The following GORASP1 variants were observed in gnomAD, a reference collection of about 807,000 sequenced individuals.
GORASP1 encodes the protein Golgi reassembly-stacking protein 1.
GORASP1 carries 31 observed loss-of-function variants against 37.7 expected under a neutral mutation model. The ratio of observed to expected loss-of-function variants is 0.82; its 90% CI spans 0.62 to 1.11. GORASP1 has a LOEUF of 1.11. Ranked by LOEUF, GORASP1 falls within the 50% of genes least tolerant of loss-of-function variation. The pLI, the probability that GORASP1 is intolerant of heterozygous loss-of-function variation, is 0.00. For missense variants in GORASP1, 476 were observed against 560.7 expected (o/e 0.85, Z 1.53); for synonymous variants, 204 against 224.8 (o/e 0.91, Z 0.83).
In GORASP1 at chr3:39,102,950, GC is replaced by G; in HGVS notation, c.145-70del. 2.8e-6 allele frequency: 4 copies of G among 1,452,416 alleles called. No individual in the cohort carries two copies. The allele number at this position is 1,452,416 out of a possible 1,614,324, so 90.0% of individuals were successfully genotyped here. A position where few individuals can be genotyped will look rare whatever the true frequency, so the allele number is the denominator to read the frequency against. Reference sequence around the variant, plus strand: ...GGCTAGGACCCTCAGACAAGTCTGGGCCTGAGATGGGGCAAGGGCCTTAGTG... The same window carrying G: ...GGCTAGGACCCTCAGACAAGTCTGGGCTGAGATGGGGCAAGGGCCTTAGTG... On this transcript the variant is annotated intron_variant, in intron 2 of 8. Transcript: ENST00000319283. This position sits in a 1 kb window ranked among gnomAD's most constrained non-coding sequence, Gnocchi z 5.0.
Position 39,096,674 on chromosome 3 carries a change from G to A in GORASP1, c.*1562C>T, listed in dbSNP as rs939927381. ...GGCTTTAGTTAAAATATTTCAAAGTGTAGTACACATTTATTTTCATTTGTT... is the reference window on the plus strand; with the variant it reads ...GGCTTTAGTTAAAATATTTCAAAGTATAGTACACATTTATTTTCATTTGTT... On this transcript the variant is annotated 3_prime_UTR_variant, in exon 9 of 9. Coordinates refer to ENST00000319283, the MANE Select transcript of GORASP1 (RefSeq NM_031899.4). The A allele has an allele frequency of 2.0e-5, 3 of 152,182 alleles. No homozygotes were observed. Among genetic ancestry groups the A allele is most frequent in the Non-Finnish European group, 2.9e-5 (2 of 68,046 alleles). The allele number at this position is 152,182 out of a possible 1,614,324, so 9.4% of individuals were successfully genotyped here.
At position 39,099,401 on chromosome 3, in the gene GORASP1, C is replaced by T. The variant is rs759244422; in HGVS notation, c.868G>A (p.Glu290Lys). The T allele has an allele frequency of 1.2e-5, 19 of 1,613,328 alleles. No individual in the cohort carries two copies. The highest frequency in any genetic ancestry group is 1.6e-5 in the Non-Finnish European group (19 of 1,179,756). The change falls in exon 7 of 9, where the codon GAG (glutamate) becomes AAG (lysine). Residue 290 changes from glutamate (E) to lysine (K), a missense_variant. Physicochemically the swap from Glu to Lys is moderately conservative, Grantham distance 56. Coordinates refer to ENST00000319283, the MANE Select transcript of GORASP1 (RefSeq NM_031899.4). ...GGAGGTGGGGGCTGAAGAGGAGTCT[C>T]CATGAAATGGGGAAGTCCATCAGGG... ...PDPDGLPHFM[E>K]TPLQPPPPVQ...
chr3:39,100,601 G>C lies in GORASP1; in HGVS notation c.567-98C>G. 6.8e-7 allele frequency: 1 copy of C among 1,475,514 alleles called. No individual in the cohort carries two copies. The highest frequency in any genetic ancestry group is 9.1e-7 in the Non-Finnish European group (1 of 1,094,324). The allele number at this position is 1,475,514 out of a possible 1,614,324, so 91.4% of individuals were successfully genotyped here. On this transcript the variant is annotated intron_variant, in intron 5 of 8. Coordinates refer to ENST00000319283, the MANE Select transcript of GORASP1 (RefSeq NM_031899.4). The surrounding 1 kb of genome is among the most constrained non-coding windows in gnomAD (Gnocchi z 4.6). ...CTACCAGCAATAAGGGGGCTGAAAA[G>C]GGTACTTCTGAAATACCGGTCAGCC...
chr3:39,100,314 G>C lies in GORASP1; in HGVS notation c.756C>G (p.Asp252Glu). 1.2e-6 allele frequency: 2 copies of C among 1,614,020 alleles called. No homozygotes were observed. The highest frequency in any genetic ancestry group is 2.2e-5 in the South Asian group (2 of 91,090). ...GATTCTCCCCACATACCTCCATGTA[G>C]TCACTCTGCCTGGAACCTGTCTCCA... is the stretch of plus-strand genomic sequence containing the variant. ...PSLETGSRQS[D>E]YMEALLQAPG... The change falls in exon 6 of 9, where the codon GAC becomes GAG. Residue 252 changes from aspartate to glutamate, a missense_variant. Transcript: ENST00000319283. The surrounding 1 kb of genome is among the most constrained non-coding windows in gnomAD (Gnocchi z 4.6).
chr3:39,103,608 GC>G lies in GORASP1; in HGVS notation c.64-56del. 2 of 1,382,318 alleles carry G rather than the reference GC, an allele frequency of 1.4e-6. No homozygotes were observed. The highest frequency in any genetic ancestry group is 2.0e-6 in the Non-Finnish European group (2 of 993,304). The allele number at this position is 1,382,318 out of a possible 1,614,324, so 85.6% of individuals were successfully genotyped here. On this transcript the variant is annotated intron_variant, in intron 1 of 8. Coordinates refer to ENST00000319283, the MANE Select transcript of GORASP1 (RefSeq NM_031899.4). The surrounding 1 kb of genome is among the most constrained non-coding windows in gnomAD (Gnocchi z 5.2). ...CGCCAACCCTGGGACTCTCCAAGTA[GC>G]CCTCTCCCCCATTTCAGGAACCATC...
intron 1 of GORASP1, among the ~76,000 whole-genome samples, chr3:39,106,212 G>A (rs1395019601): frequency 6.6e-6 from 1 of 151,992 alleles, no homozygotes; most frequent in East Asian, 1.9e-4. Flanking sequence ...TTAGAATTCT[G>A]CCTGCCAGAG....
Position 39,105,349 on chromosome 3 carries a change from A to G in GORASP1, c.64-1796T>C, listed in dbSNP as rs969366996. Among the ~76,000 whole-genome samples the G allele has an allele frequency of 5.9e-5, 9 of 152,062 alleles. No homozygotes were observed. The East Asian group carries it at 1.5e-3, about 26-fold the overall frequency. On this transcript the variant is annotated intron_variant, in intron 1 of 8. Coordinates refer to ENST00000319283, the MANE Select transcript of GORASP1 (RefSeq NM_031899.4). This position sits in a 1 kb window ranked among gnomAD's most constrained non-coding sequence, Gnocchi z 5.4. ...TCATGCTCCCACCCTATTTTTCCCA[A>G]TCAGGGAACCTAATGGAACTCACAG...
Position 39,099,396 on chromosome 3 carries a change from A to G in GORASP1, c.873T>C (p.Thr291=), listed in dbSNP as rs1221848053. ...DPDGLPHFME[T]PLQPPPPVQR... is the part of the protein sequence containing the mutation. Reference sequence around the variant, plus strand: ...GCACTGGAGGTGGGGGCTGAAGAGGAGTCTCCATGAAATGGGGAAGTCCAT... The same window carrying G: ...GCACTGGAGGTGGGGGCTGAAGAGGGGTCTCCATGAAATGGGGAAGTCCAT... Residue 291 remains threonine (T), a synonymous_variant, in exon 7 of 9, where the codon ACT becomes ACC. Coordinates refer to ENST00000319283, the MANE Select transcript of GORASP1 (RefSeq NM_031899.4). The G allele has an allele frequency of 3.1e-6, 5 of 1,613,388 alleles. No homozygotes were observed. Among genetic ancestry groups the G allele is most frequent in the Non-Finnish European group, 2.5e-6 (3 of 1,179,788 alleles).
At position 39,102,693 on chromosome 3, in the gene GORASP1, C is replaced by T. The variant is rs2035799114; in HGVS notation, c.333G>A (p.Gln111=). 6.2e-7 allele frequency: 1 copy of T among 1,614,006 alleles called. No individual in the cohort carries two copies. Among genetic ancestry groups the T allele is most frequent in the Admixed American group, 1.7e-5 (1 of 59,994 alleles). The change falls in exon 3 of 9, where the codon CAG becomes CAA. Residue 111 remains glutamine, a synonymous_variant. Coordinates refer to ENST00000319283, the MANE Select transcript of GORASP1 (RefSeq NM_031899.4). The surrounding 1 kb of genome is among the most constrained non-coding windows in gnomAD (Gnocchi z 5.0). ...RFCSFRRASE[Q]VWHVLDVEPS... ...CCACACTCACCAGCACATGCCACAC[C>T]TGCTCACTGGCCCTGCGGAAGCTGC...
Position 39,103,138 on chromosome 3 carries a change from C to T in GORASP1, c.145-257G>A. On this transcript the variant is annotated intron_variant, in intron 2 of 8. Coordinates refer to ENST00000319283, the MANE Select transcript of GORASP1 (RefSeq NM_031899.4). This position sits in a 1 kb window ranked among gnomAD's most constrained non-coding sequence, Gnocchi z 5.2. ...AGAAAAAACAAAGCAAGCAAAAAGC[C>T]TCCCAGATCCACAGCATTCCAGTGC... 1.7e-6 allele frequency: 1 copy of T among 599,622 alleles called. No homozygotes were observed. The highest frequency in any genetic ancestry group is 3.0e-6 in the Non-Finnish European group (1 of 337,230). 37.1% of individuals were successfully genotyped at this position (599,622 alleles called of 1,614,324 possible). A position where few individuals can be genotyped will look rare whatever the true frequency, so the allele number is the denominator to read the frequency against.
At position 39,098,558 on chromosome 3, in the gene GORASP1, C is replaced by G. The variant is rs1471841815; in HGVS notation, c.1070-69G>C. 5 of 1,544,822 alleles carry G rather than the reference C, an allele frequency of 3.2e-6. No individual in the cohort carries two copies. Among genetic ancestry groups the G allele is most frequent in the Non-Finnish European group, 4.4e-6 (5 of 1,143,300 alleles). On this transcript the variant is annotated intron_variant, in intron 8 of 8. Transcript: ENST00000319283. This position sits in a 1 kb window ranked among gnomAD's most constrained non-coding sequence, Gnocchi z 4.7. The stretch of plus-strand genomic sequence containing the variant: ...GGGCCATGGTGTTAGGGCCAGTAAC[C>G]CCACCGACCGCTCCCCATTGCCACT...
chr3:39,101,308 C>G (rs1411508853), intron 3 of GORASP1: 2 of 618,604 alleles, frequency 3.2e-6, no homozygotes, highest in African/African-American at 3.7e-5. Context: ...GAGGGCAGTA[C>G]CATGATAAGG....
rs2036296543 is a variant in GORASP1, at chr3:39,107,589, C to T, written c.-48G>A. 1 of 1,456,410 alleles carries T rather than the reference C, an allele frequency of 6.9e-7. No individual in the cohort carries two copies. The highest frequency in any genetic ancestry group is 9.1e-7 in the Non-Finnish European group (1 of 1,100,946). The allele number at this position is 1,456,410 out of a possible 1,614,324, so 90.2% of individuals were successfully genotyped here. A position where few individuals can be genotyped will look rare whatever the true frequency, so the allele number is the denominator to read the frequency against. ...CAGGTCCAGTCCCGCTGCGCCTACC[C>T]GGACCGACCCGACGCCAGTAGCACC... On this transcript the variant is annotated 5_prime_UTR_variant, in exon 1 of 9. Coordinates refer to ENST00000319283, the MANE Select transcript of GORASP1 (RefSeq NM_031899.4).
At chr3:39,099,016 T>C in intron 7 of GORASP1, 123 bp from the exon 8 acceptor site, 1 of 1,268,368 alleles carries the variant, frequency 7.9e-7, no homozygotes, top group South Asian at 1.3e-5. Flanking sequence ...CCTCAGCCCC[T>C]GGTGATACCC....
At position 39,097,164 on chromosome 3, in the gene GORASP1, G is replaced by A. The variant is rs1012533103; in HGVS notation, c.*1072C>T. Reference sequence around the variant, plus strand: ...TTGTGAGTTCCCTGCATGTACACCAGCATTACAAATGATCCTGTAAAGGTG... The same window carrying A: ...TTGTGAGTTCCCTGCATGTACACCAACATTACAAATGATCCTGTAAAGGTG... On this transcript the variant is annotated 3_prime_UTR_variant, in exon 9 of 9. Coordinates refer to ENST00000319283, the MANE Select transcript of GORASP1 (RefSeq NM_031899.4). 6.6e-6 allele frequency: 1 copy of A among 152,248 alleles called. No homozygotes were observed. The highest frequency in any genetic ancestry group is 1.5e-5 in the Non-Finnish European group (1 of 68,072). The allele number at this position is 152,248 out of a possible 1,614,324, so 9.4% of individuals were successfully genotyped here.
Position 39,098,880 on chromosome 3 carries a change from C to T in GORASP1, c.930G>A (p.Val310=), listed in dbSNP as rs910695422. ...TGTTGTCCAAGAGAGAAATTCCCGA[C>T]ACGTCCAGGAAGCCTAGGGGAGGGT... ...QRVMDPGFLD[V]SGISLLDNSN... The change falls in exon 8 of 9, where the codon GTG becomes GTA. Residue 310 remains valine (V), a synonymous_variant. Transcript: ENST00000319283. The surrounding 1 kb of genome is among the most constrained non-coding windows in gnomAD (Gnocchi z 4.7). The T allele has an allele frequency of 6.2e-7, 1 of 1,614,022 alleles. No individual in the cohort carries two copies. The highest frequency in any genetic ancestry group is 1.3e-5 in the African/African-American group (1 of 75,048).
rs1219974689 is a variant in GORASP1 at position 39,098,239 on chromosome 3, T to C, written c.1320A>G (p.Glu440=). The change falls in exon 9 of 9, where the codon GAA becomes GAG. Residue 440 remains glutamate (E), a synonymous_variant. Transcript: ENST00000319283. This position sits in a 1 kb window ranked among gnomAD's most constrained non-coding sequence, Gnocchi z 4.7. ...GGCCTTGTCACAGCCCAGGGTGTTA[T>C]TCTGTGGTAGAGATCTGGGCCTGGC... ...LDSQAQISTT[E] 7 of 1,613,930 alleles carry C rather than the reference T, an allele frequency of 4.3e-6. No individual in the cohort carries two copies. Among genetic ancestry groups the C allele is most frequent in the Non-Finnish European group, 5.1e-6 (6 of 1,179,938 alleles).
rs1325508095 is a variant in GORASP1 at position 39,103,824 on chromosome 3, C to G, written c.64-271G>C. 5.5e-6 allele frequency: 2 copies of G among 360,992 alleles called. No homozygotes were observed. Among genetic ancestry groups the G allele is most frequent in the African/African-American group, 4.2e-5 (2 of 47,744 alleles). 22.4% of individuals were successfully genotyped at this position (360,992 alleles called of 1,614,324 possible). A position where few individuals can be genotyped will look rare whatever the true frequency, so the allele number is the denominator to read the frequency against. On this transcript the variant is annotated intron_variant, in intron 1 of 8. Transcript: ENST00000319283. The surrounding 1 kb of genome is among the most constrained non-coding windows in gnomAD (Gnocchi z 5.2). ...ACAGCCCAGGACATCCTTAGGGGCT[C>G]CCAGGAGGCAATATGGAGACAGGCT...
In GORASP1 at chr3:39,107,520, C is replaced by A; in HGVS notation, c.22G>T (p.Glu8Ter). Reference sequence around the variant, plus strand: ...CCCTCGGCGCCGCCTGCGGGCTGCTCAGCGCTGACGCCCAGGCCCATGGCA... The same window carrying A: ...CCCTCGGCGCCGCCTGCGGGCTGCTAAGCGCTGACGCCCAGGCCCATGGCA... MGLGVSA[E>*]QPAGGAEGFH... Residue 8 changes from glutamate to a stop codon, truncating the protein, a stop_gained, in exon 1 of 9, where the codon GAG (glutamate) becomes TAG (stop). Transcript: ENST00000319283. LOFTEE classifies it high-confidence loss of function. 1.3e-6 allele frequency: 2 copies of A among 1,497,150 alleles called. No homozygotes were observed. The highest frequency in any genetic ancestry group is 1.3e-5 in the South Asian group (1 of 78,878). The allele number at this position is 1,497,150 out of a possible 1,614,324, so 92.7% of individuals were successfully genotyped here. A position where few individuals can be genotyped will look rare whatever the true frequency, so the allele number is the denominator to read the frequency against.
Sources: allele counts gnomAD v4.1 joint callset (sites outside exome capture counted in the v4.1 genomes callset), GRCh38; gene constraint gnomAD v4.1.1; non-coding constraint Gnocchi (gnomAD v3.1); transcripts MANE v1.5; gene names NCBI Gene and HGNC (gene_info 2026-07-23, HGNC 2026-07-21).